SHOC2: variants seen among roughly 807,000 people sequenced by gnomAD.
The protein encoded by SHOC2 is SHOC2 leucine rich repeat scaffold protein.
Under a neutral mutation model 50.2 loss-of-function variants are expected in SHOC2, and 4 were observed. The ratio of observed to expected loss-of-function variants is 0.08; its 90% CI spans 0.04 to 0.18. The LOEUF is 0.18. Among genes scored for constraint, SHOC2 ranks in the 10% least tolerant of loss-of-function variants. The pLI is 1.00. For synonymous variants in SHOC2, 218 were observed against 244.5 expected (o/e 0.89, Z 1.01); for missense variants, 388 against 669.6 (o/e 0.58, Z 4.64).
chr10:110,979,648 AAAT>A (rs1345947448), intron 2 of SHOC2, among the ~76,000 whole-genome samples: 1 of 152,338 alleles, frequency 6.6e-6, no homozygotes, highest in South Asian at 2.1e-4. Flanking sequence ...TGCAGATGTT[AAAT>A]CCAGCTTTCT....
At chr10:111,009,212 A>G in intron 6 of SHOC2, 36 bp from the exon 7 acceptor site, 7 of 1,403,062 alleles carry the variant, frequency 5.0e-6, no homozygotes, top group Non-Finnish European at 7.1e-6. Context: ...ATTTCATTTC[A>G]TGATTTCCTA....
At chr10:110,969,202 C>G (rs1847731441) in intron 2 of SHOC2, among the ~76,000 whole-genome samples, 1 of 152,094 alleles carries the variant, frequency 6.6e-6, no homozygotes, top group Non-Finnish European at 1.5e-5. Flanking sequence ...CAAATTGAAA[C>G]CTTAGTCATT....
intron 2 of SHOC2, among the ~76,000 whole-genome samples, chr10:110,980,992 G>A (rs946477048): frequency 3.3e-5 from 5 of 152,150 alleles, no homozygotes; most frequent in African/African-American, 1.2e-4. Flanking sequence ...AATCTTTCAT[G>A]TAGATGGAAA....
Position 110,996,162 on chromosome 10 carries a change from A to G in SHOC2, c.842-4253A>G, listed in dbSNP as rs145964776. Among the ~76,000 whole-genome samples the G allele has an allele frequency of 1.6e-4, 24 of 152,350 alleles. No individual in the cohort carries two copies. The East Asian group carries it at 4.2e-3, about 27-fold the overall frequency. ...AGTAGCTAGCTTGATGGGTGGAGGT[A>G]TATTACGGGAACCCCTAGAAGCTAG... On this transcript the variant is annotated intron_variant, in intron 3 of 8. Transcript: ENST00000369452.
chr10:110,978,662 C>T lies in SHOC2; in HGVS notation c.704-6966C>T, dbSNP rs184824968. On this transcript the variant is annotated intron_variant, in intron 2 of 8. Transcript: ENST00000369452. ...CTAGCTGTGGTTCTCCCCTTGGGCT[C>T]CTTGCAGTCTCCTCTCCCACATGTA... Among the ~76,000 whole-genome samples, 4 of 152,334 alleles carry T rather than the reference C, an allele frequency of 2.6e-5. No homozygotes were observed. The East Asian group carries it at 5.8e-4, about 22-fold the overall frequency.
At chr10:111,002,917 A>C (rs1338019330) in intron 4 of SHOC2, among the ~76,000 whole-genome samples, 1 of 152,228 alleles carries the variant, frequency 6.6e-6, no homozygotes, top group Non-Finnish European at 1.5e-5. Context: ...TCAATAAAGT[A>C]AGTCAGTTGT....
At chr10:110,948,045 C>T (rs1376669380) in intron 1 of SHOC2, among the ~76,000 whole-genome samples, 1 of 151,962 alleles carries the variant, frequency 6.6e-6, no homozygotes, top group East Asian at 1.9e-4. Flanking sequence ...ATATTTCACG[C>T]AAATGGTAAC....
chr10:110,946,384 C>T (rs1308056974), intron 1 of SHOC2, among the ~76,000 whole-genome samples: 1 of 149,334 alleles, frequency 6.7e-6, no homozygotes, highest in Non-Finnish European at 1.5e-5. Context: ...AGGTTCTAGG[C>T]TCTGAATATA....
chr10:110,947,478 A>C (rs1357341605), intron 1 of SHOC2, among the ~76,000 whole-genome samples: 1 of 152,278 alleles, frequency 6.6e-6, no homozygotes, highest in Non-Finnish European at 1.5e-5. Context: ...GTGCAAGTCC[A>C]TAAGGATCTC....
rs2134183760 is a variant in SHOC2, at chr10:111,012,128, T to G, written c.*310T>G. 3.6e-6 allele frequency: 1 copy of G among 274,398 alleles called. No individual in the cohort carries two copies. Among genetic ancestry groups the G allele is most frequent in the Admixed American group, 4.9e-5 (1 of 20,344 alleles). The allele number at this position is 274,398 out of a possible 1,614,324, so 17.0% of individuals were successfully genotyped here. On this transcript the variant is annotated 3_prime_UTR_variant, in exon 9 of 9. Transcript: ENST00000369452. ...AATTTAAGGGACAGAGGTAGTATAG[T>G]TAGATATACTTTCTCTTAGGAAAAA...
chr10:110,930,291 A>G (rs1039067722), intron 1 of SHOC2, among the ~76,000 whole-genome samples: 5 of 152,180 alleles, frequency 3.3e-5, no homozygotes, highest in African/African-American at 9.6e-5. Context: ...ATACTCAAAT[A>G]TAAGATACCT....
At position 110,964,405 on chromosome 10, in the gene SHOC2, C is replaced by A; in HGVS notation, c.47C>A (p.Pro16His). 6.2e-7 allele frequency: 1 copy of A among 1,613,028 alleles called. No individual in the cohort carries two copies. Among genetic ancestry groups the A allele is most frequent in the Non-Finnish European group, 8.5e-7 (1 of 1,179,812 alleles). Residue 16 changes from proline (P) to histidine (H), a missense_variant, in exon 2 of 9, where the codon CCC becomes CAC. Transcript: ENST00000369452. The surrounding 1 kb of genome is among the most constrained non-coding windows in gnomAD (Gnocchi z 4.9). ...GKEKDSKEKD[P>H]KVPSAKEREK... ...GAAAAAGACTCTAAAGAAAAAGATC[C>A]CAAAGTACCATCAGCCAAGGAAAGA...
Position 110,964,386 on chromosome 10 carries a change from G to T in SHOC2, c.28G>T (p.Asp10Tyr), listed in dbSNP as rs1392683472. 6.2e-7 allele frequency: 1 copy of T among 1,612,980 alleles called. No homozygotes were observed. Among genetic ancestry groups the T allele is most frequent in the African/African-American group, 1.3e-5 (1 of 74,760 alleles). The change falls in exon 2 of 9, where the codon GAC becomes TAC. Residue 10 changes from aspartate (D) to tyrosine (Y), a missense_variant. Coordinates refer to ENST00000369452, the MANE Select transcript of SHOC2 (RefSeq NM_007373.4). The surrounding 1 kb of genome is among the most constrained non-coding windows in gnomAD (Gnocchi z 4.9). ...GAGTAGTAGTTTAGGAAAAGAAAAA[G>T]ACTCTAAAGAAAAAGATCCCAAAGT... Reference protein sequence around the residue: MSSSLGKEKDSKEKDPKVPS... With the variant: MSSSLGKEKYSKEKDPKVPS...
intron 4 of SHOC2, among the ~76,000 whole-genome samples, chr10:111,002,045 C>CAA (rs942547485): frequency 3.2e-5 from 4 of 124,622 alleles, no homozygotes; most frequent in African/African-American, 8.9e-5. Context: ...GACTTTGTCT[C>CAA]AAAAAAAAAA....
At chr10:110,980,870 G>A (rs564478957) in intron 2 of SHOC2, among the ~76,000 whole-genome samples, 1 of 152,054 alleles carries the variant, frequency 6.6e-6, no homozygotes, top group South Asian at 2.1e-4. Flanking sequence ...GTTGTTTACA[G>A]CAGTTATCAC....
At chr10:110,997,383 G>C (rs951563176) in intron 3 of SHOC2, among the ~76,000 whole-genome samples, 1 of 152,098 alleles carries the variant, frequency 6.6e-6, no homozygotes, top group Non-Finnish European at 1.5e-5. Context: ...GAAAAATGTA[G>C]ACAAAATGAA....
Position 110,964,977 on chromosome 10 carries a change from G to A in SHOC2, c.619G>A (p.Val207Met), listed in dbSNP as rs998435032. The A allele has an allele frequency of 1.9e-5, 30 of 1,613,488 alleles. No individual in the cohort carries two copies. The highest frequency in any genetic ancestry group is 2.5e-5 in the Non-Finnish European group (30 of 1,179,854). ...LYLRFNRITT[V>M]EKDIKNLSKL... ...CCTTCGCTTTAATCGTATAACTACT[G>A]TGGAAAAGGACATCAAAAACTTGTC... The change falls in exon 2 of 9, where the codon GTG becomes ATG. Residue 207 changes from valine (V) to methionine (M), a missense_variant. Around this residue, in one of 5 missense-constraint regions of SHOC2, gnomAD observed 88 missense variants for 147.2 expected, o/e 0.60. Transcript: ENST00000369452. This position sits in a 1 kb window ranked among gnomAD's most constrained non-coding sequence, Gnocchi z 4.9.
intron 1 of SHOC2, among the ~76,000 whole-genome samples, chr10:110,950,876 A>G (rs1011562105): frequency 7.2e-5 from 11 of 152,202 alleles, no homozygotes; most frequent in African/African-American, 2.4e-4. Context: ...TAATTACACC[A>G]TGTACAAAAA....
At chr10:110,963,706 A>G (rs1210863617) in intron 1 of SHOC2, among the ~76,000 whole-genome samples, 1 of 152,166 alleles carries the variant, frequency 6.6e-6, no homozygotes, top group Non-Finnish European at 1.5e-5. Context: ...GTTACTTAAA[A>G]ATATTTCTGT....
Sources: gnomAD v4.1 joint callset for allele counts (sites outside exome capture counted in the v4.1 genomes callset) on GRCh38, gnomAD v4.1.1 for gene constraint, gnomAD v4.1.1 regional missense constraint, Gnocchi (gnomAD v3.1) non-coding constraint, MANE v1.5 for transcripts, NCBI Gene and HGNC (gene_info 2026-07-23, HGNC 2026-07-21) for gene names.